Variants in RTN4RL1 observed in about 807,000 individuals in gnomAD.
RTN4RL1 encodes the protein reticulon 4 receptor like 1, also known as reticulon-4 receptor-like 1.
In RTN4RL1, 7 loss-of-function variants were observed where a neutral mutation model predicts 25.6. The observed-to-expected ratio is 0.27, with a 90% CI of 0.16 to 0.51. The LOEUF is 0.51. RTN4RL1 is among the 20% of genes least tolerant of loss of function. RTN4RL1 has a pLI of 0.97. For missense variants in RTN4RL1, 500 were observed against 615.6 expected, an observed-to-expected ratio of 0.81 and a Z score of 1.99; for synonymous variants, 297 against 288.2, an observed-to-expected ratio of 1.03 and a Z score of -0.31.
At chr17:1,974,040 G>GAAAAAAA (rs57063033) in intron 1 of RTN4RL1, among the ~76,000 whole-genome samples, 1,072 of 96,996 alleles carry the variant, frequency 0.011, 35 homozygotes, top group African/African-American at 0.04. Flanking sequence ...CTCCGTCTCA[G>GAAAAAAA]AAAAAAAAAA....
chr17:1,990,011 G>A (rs2066902612), intron 1 of RTN4RL1, among the ~76,000 whole-genome samples: 1 of 152,196 alleles, frequency 6.6e-6, no homozygotes, highest in Non-Finnish European at 1.5e-5. Flanking sequence ...AACAATGTGA[G>A]TGTGCTTAAT....
At chr17:1,952,499 C>T (rs927512529) in intron 1 of RTN4RL1, among the ~76,000 whole-genome samples, 23 of 151,976 alleles carry the variant, frequency 1.5e-4, no homozygotes, top group Non-Finnish European at 2.5e-4. Context: ...TCCACCACCA[C>T]GCCCGGCTAA....
At chr17:1,976,454 G>A (rs1052646739) in intron 1 of RTN4RL1, among the ~76,000 whole-genome samples, 1 of 152,246 alleles carries the variant, frequency 6.6e-6, no homozygotes, top group Non-Finnish European at 1.5e-5. Flanking sequence ...GCATGAGGTT[G>A]AGGGAGTTAC....
rs68147810 is a variant in RTN4RL1, at chr17:1,935,712, T to TAC, written c.*783_*784insGT. On this transcript the variant is annotated 3_prime_UTR_variant, in exon 2 of 2. Coordinates refer to ENST00000331238, the MANE Select transcript of RTN4RL1 (RefSeq NM_178568.4). ...GTGGGAGGGGGACTGTGCATTTGTGTATATATATATATATATATATATATA... is the reference window on the plus strand; with the variant it reads ...GTGGGAGGGGGACTGTGCATTTGTGTACATATATATATATATATATATATATA... The TAC allele has an allele frequency of 1.4e-4, 3 of 21,430 alleles. No individual in the cohort carries two copies. The highest frequency in any genetic ancestry group is 4.2e-4 in the African/African-American group (3 of 7,086). The allele number at this position is 21,430 out of a possible 1,614,324, so 1.3% of individuals were successfully genotyped here.
chr17:1,959,678 C>T (rs1480957816), intron 1 of RTN4RL1, among the ~76,000 whole-genome samples: 1 of 152,216 alleles, frequency 6.6e-6, no homozygotes, highest in Non-Finnish European at 1.5e-5. Context: ...GATTCTCACA[C>T]CTCAGCCTCC....
chr17:1,979,879 G>A (rs888962497), intron 1 of RTN4RL1, among the ~76,000 whole-genome samples: 1 of 152,138 alleles, frequency 6.6e-6, no homozygotes, highest in East Asian at 1.9e-4. Context: ...CTCAGACCCG[G>A]AATTGCGTGG....
At chr17:1,945,488 G>A (rs1597488031) in intron 1 of RTN4RL1, among the ~76,000 whole-genome samples, 1 of 152,274 alleles carries the variant, frequency 6.6e-6, no homozygotes, top group East Asian at 1.9e-4. Context: ...CCAAAGTGCT[G>A]GGATTACAGG....
At chr17:1,951,728 C>T (rs1275228613) in intron 1 of RTN4RL1, among the ~76,000 whole-genome samples, 1 of 152,036 alleles carries the variant, frequency 6.6e-6, no homozygotes, top group African/African-American at 2.4e-5. Flanking sequence ...GCTGGGATTA[C>T]AGGCGTGAGC....
chr17:2,016,886 T>G (rs1464554635), intron 1 of RTN4RL1, among the ~76,000 whole-genome samples: 1 of 152,210 alleles, frequency 6.6e-6, no homozygotes, highest in Non-Finnish European at 1.5e-5. Context: ...TCTCCCAGCT[T>G]GCTCAGACAA....
At chr17:1,968,433 T>C (rs2066802530) in intron 1 of RTN4RL1, among the ~76,000 whole-genome samples, 1 of 152,162 alleles carries the variant, frequency 6.6e-6, no homozygotes, top group Admixed American at 6.6e-5. Context: ...ACTCATCTCC[T>C]GCCTTTGCCT....
chr17:2,018,871 A>C (rs2067161988), intron 1 of RTN4RL1: 2 of 152,382 alleles, frequency 1.3e-5, no homozygotes. Flanking sequence ...TATTGGCAGC[A>C]TGTGGACAGT....
intron 1 of RTN4RL1, among the ~76,000 whole-genome samples, chr17:2,018,639 G>A (rs1412715329): frequency 6.6e-6 from 1 of 152,192 alleles, no homozygotes; most frequent in East Asian, 1.9e-4. Flanking sequence ...CAAGGGAGAC[G>A]GTGGGCTTGA....
At chr17:1,962,018 A>ACACC (rs2066766264) in intron 1 of RTN4RL1, among the ~76,000 whole-genome samples, 1 of 151,408 alleles carries the variant, frequency 6.6e-6, no homozygotes, top group Admixed American at 6.6e-5. Flanking sequence ...GTGGTGGCTC[A>ACACC]TGCTTATAAT....
chr17:1,953,237 T>G, intron 1 of RTN4RL1, among the ~76,000 whole-genome samples: 1 of 151,254 alleles, frequency 6.6e-6, no homozygotes, highest in East Asian at 2.0e-4. Context: ...TTAGAACCCA[T>G]CTCTACAAAA....
chr17:1,975,839 G>A (rs2066840594), intron 1 of RTN4RL1, among the ~76,000 whole-genome samples: 1 of 152,066 alleles, frequency 6.6e-6, no homozygotes, highest in Non-Finnish European at 1.5e-5. Context: ...TACCTCACGG[G>A]TGTGCGAAAT....
intron 1 of RTN4RL1, chr17:2,017,873 G>T (rs184696068): frequency 6.6e-6 from 1 of 152,280 alleles, no homozygotes; most frequent in East Asian, 1.9e-4. Flanking sequence ...CACAGCGGAG[G>T]AGGCCTCCAC....
chr17:1,945,897 C>T (rs1915528212), intron 1 of RTN4RL1, among the ~76,000 whole-genome samples: 2 of 152,240 alleles, frequency 1.3e-5, no homozygotes, highest in South Asian at 4.1e-4. Flanking sequence ...CTGAGAGATG[C>T]TGCTCAGGAA....
intron 1 of RTN4RL1, 60 bp from the exon 2 acceptor site, chr17:1,937,868 A>C (rs912889989): frequency 4.0e-5 from 52 of 1,315,468 alleles, no homozygotes; most frequent in East Asian, 2.5e-4. Context: ...CTGGCACCGC[A>C]CCCTCCGGCG....
chr17:1,977,099 T>C (rs1456125049), intron 1 of RTN4RL1, among the ~76,000 whole-genome samples: 1 of 152,262 alleles, frequency 6.6e-6, no homozygotes, highest in Non-Finnish European at 1.5e-5. Flanking sequence ...TGATAGATAC[T>C]CTGCCTCTCC....
Sources: allele counts gnomAD v4.1 joint callset (sites outside exome capture counted in the v4.1 genomes callset), GRCh38; gene constraint gnomAD v4.1.1; transcripts MANE v1.5; gene names NCBI Gene and HGNC (gene_info 2026-07-23, HGNC 2026-07-21).